Variants in ROBO1 observed in about 807,000 individuals in gnomAD.
ROBO1 encodes roundabout homolog 1.
In ROBO1, 149 loss-of-function variants were observed where a neutral mutation model predicts 195.9. That is an observed-to-expected ratio of 0.76 (90% confidence interval 0.67 to 0.87). The LOEUF is 0.87. ROBO1 is among the 40% of genes least tolerant of loss of function. The probability of loss-of-function intolerance (pLI) is 0.00; values close to 1 mark genes in which losing one functional copy is unlikely to be tolerated. For missense variants in ROBO1, 1,933 were observed against 2,068.3 expected, an observed-to-expected ratio of 0.93 and a Z score of 1.27; for synonymous variants, 816 against 733.2, an observed-to-expected ratio of 1.11 and a Z score of -1.82.
intron 3 of ROBO1, among the ~76,000 whole-genome samples, chr3:79,047,853 G>A (rs1040771963): frequency 3.3e-5 from 5 of 152,074 alleles, no homozygotes; most frequent in Admixed American, 6.6e-5. Flanking sequence ...CAGAGGCAGG[G>A]TAACCATGGT....
intron 2 of ROBO1, among the ~76,000 whole-genome samples, chr3:79,334,300 T>TAAA (rs59858022): frequency 9.3e-5 from 11 of 118,214 alleles, no homozygotes; most frequent in African/African-American, 2.7e-4. Context: ...AGACTCTGTC[T>TAAA]AAAAAAAAAA....
chr3:78,973,863 T>C lies in ROBO1; in HGVS notation c.173-34936A>G, dbSNP rs114484073. 7.7e-3 allele frequency among the ~76,000 whole-genome samples: 1,174 copies of C among 152,102 alleles called. 8 individuals carry two copies. Among genetic ancestry groups the C allele is most frequent in the Non-Finnish European group, 0.013 (878 of 67,948 alleles). On this transcript the variant is annotated intron_variant, in intron 3 of 30. Transcript: ENST00000464233. ...AACAATAATGTCTGAGGTGGACATG[T>C]AGTACAGTCACATTAAGTTTCTTAG...
chr3:79,061,856 G>A (rs1485808950), intron 3 of ROBO1, among the ~76,000 whole-genome samples: 1 of 151,148 alleles, frequency 6.6e-6, no homozygotes, highest in East Asian at 1.9e-4. Flanking sequence ...AATTCAAGAT[G>A]GATTAAAGAC....
chr3:78,928,857 C>A (rs943768712), intron 4 of ROBO1, among the ~76,000 whole-genome samples: 3 of 152,022 alleles, frequency 2.0e-5, no homozygotes, highest in Non-Finnish European at 4.4e-5. Context: ...TTTTCTGGTG[C>A]CTGACTGAGA....
At position 78,639,784 on chromosome 3, in the gene ROBO1, A is replaced by G. The variant is rs1482448522; in HGVS notation, c.2997T>C (p.Asn999=). ...TAGTGAGGTTGCTGTCGCTGTTTCC[A>G]TTGCCTGCCGTGCAGCAGCTGATGG... is the stretch of plus-strand genomic sequence containing the variant. ...DCSISCCTAG[N]GNSDSNLTTY... is the part of the protein sequence containing the mutation. Residue 999 remains asparagine, a synonymous_variant, in exon 22 of 31, where the codon AAT becomes AAC. Coordinates refer to ENST00000464233, the MANE Select transcript of ROBO1 (RefSeq NM_002941.4). 6.2e-7 allele frequency: 1 copy of G among 1,613,374 alleles called. No individual in the cohort carries two copies. The highest frequency in any genetic ancestry group is 8.5e-7 in the Non-Finnish European group (1 of 1,179,444).
chr3:79,627,281 T>C (rs1945208093), intron 1 of ROBO1, among the ~76,000 whole-genome samples: 1 of 152,176 alleles, frequency 6.6e-6, no homozygotes, highest in Non-Finnish European at 1.5e-5. Flanking sequence ...CAAAGCAGCA[T>C]GGTACTGGTA....
At chr3:79,054,781 A>T (rs1576619716) in intron 3 of ROBO1, among the ~76,000 whole-genome samples, 1 of 152,252 alleles carries the variant, frequency 6.6e-6, no homozygotes, top group Non-Finnish European at 1.5e-5. Context: ...TATAGATGGA[A>T]TCCCCCTGCC....
chr3:79,682,822 A>G (rs1363212010), intron 1 of ROBO1, among the ~76,000 whole-genome samples: 1 of 152,016 alleles, frequency 6.6e-6, no homozygotes, highest in African/African-American at 2.4e-5. Flanking sequence ...TCACTTCAAA[A>G]TGTTCATGAA....
intron 2 of ROBO1, among the ~76,000 whole-genome samples, chr3:79,439,799 T>C (rs765072307): frequency 1.3e-5 from 2 of 152,106 alleles, no homozygotes; most frequent in Non-Finnish European, 2.9e-5. Flanking sequence ...CCTGTTTTTA[T>C]GTTCATTCTT....
chr3:79,431,194 C>A (rs1237058026), intron 2 of ROBO1, among the ~76,000 whole-genome samples: 1 of 152,128 alleles, frequency 6.6e-6, no homozygotes, highest in Non-Finnish European at 1.5e-5. Context: ...AGACAGAGCA[C>A]CAGTTTCCTA....
intron 2 of ROBO1, among the ~76,000 whole-genome samples, chr3:79,497,353 C>T (rs1483056525): frequency 6.6e-6 from 1 of 152,074 alleles, no homozygotes; most frequent in African/African-American, 2.4e-5. Flanking sequence ...CCTGTAACTC[C>T]TTAACATATT....
intron 2 of ROBO1, among the ~76,000 whole-genome samples, chr3:79,500,052 C>T (rs1412525297): frequency 6.6e-6 from 1 of 151,600 alleles, no homozygotes; most frequent in Non-Finnish European, 1.5e-5. Flanking sequence ...AGGTGATCCA[C>T]CCACCTCAGC....
chr3:79,531,954 T>C (rs570967606), intron 2 of ROBO1, among the ~76,000 whole-genome samples: 1 of 152,056 alleles, frequency 6.6e-6, no homozygotes, highest in Admixed American at 6.6e-5. Flanking sequence ...TAAGAGAGAG[T>C]AGAGAGTTTA....
chr3:79,738,427 A>G (rs879071247), intron 1 of ROBO1, among the ~76,000 whole-genome samples: 1 of 152,204 alleles, frequency 6.6e-6, no homozygotes, highest in Admixed American at 6.5e-5. Flanking sequence ...CATCTTGGCC[A>G]GCAAGTCCAA....
intron 2 of ROBO1, among the ~76,000 whole-genome samples, chr3:79,197,085 A>G (rs2081651352): frequency 6.6e-6 from 1 of 151,786 alleles, no homozygotes; most frequent in Non-Finnish European, 1.5e-5. Context: ...AGTTCTGCAC[A>G]ACATTCAGAT....
intron 1 of ROBO1, among the ~76,000 whole-genome samples, chr3:79,666,960 T>C (rs1162073737): frequency 6.6e-6 from 1 of 151,942 alleles, no homozygotes; most frequent in African/African-American, 2.4e-5. Flanking sequence ...TGACTGGATC[T>C]CTTTAAAAAG....
intron 4 of ROBO1, among the ~76,000 whole-genome samples, chr3:78,900,477 G>GCA (rs2037517117): frequency 6.6e-6 from 1 of 152,156 alleles, no homozygotes. Context: ...GGAAGAACTT[G>GCA]CATGATGTTC....
rs549686560 is a variant in ROBO1, at chr3:78,629,467, C to T, written c.3626+1694G>A. The stretch of plus-strand genomic sequence containing the variant: ...AGCACTTTGGGAGGCTGAGGCGGGA[C>T]GATCGCTTGAGATCAGGAGTTCGAG... On this transcript the variant is annotated intron_variant, in intron 25 of 30. Coordinates refer to ENST00000464233, the MANE Select transcript of ROBO1 (RefSeq NM_002941.4). Among the ~76,000 whole-genome samples the T allele has an allele frequency of 4.6e-5, 7 of 152,016 alleles. No homozygotes were observed. In the South Asian group the frequency reaches 8.3e-4, roughly 18 times the overall value.
intron 4 of ROBO1, chr3:78,938,062 A>C (rs1295925637): frequency 6.5e-6 from 1 of 153,506 alleles, no homozygotes; most frequent in South Asian, 2.0e-4. Flanking sequence ...GCATGATCCC[A>C]CTACTGATCA....
Sources: gnomAD v4.1 joint callset for allele counts (sites outside exome capture counted in the v4.1 genomes callset) on GRCh38, gnomAD v4.1.1 for gene constraint, MANE v1.5 for transcripts, NCBI Gene and HGNC (gene_info 2026-07-23, HGNC 2026-07-21) for gene names.